Variants in SYN3 observed in about 807,000 individuals in gnomAD.
SYN3 encodes synapsin-3.
A neutral mutation model predicts 65.8 loss-of-function variants in SYN3; 35 were observed. The ratio of observed to expected loss-of-function variants is 0.53; its 90% CI spans 0.41 to 0.70. SYN3 has a LOEUF of 0.70. Among genes scored for constraint, SYN3 ranks in the 30% least tolerant of loss-of-function variants. The probability of loss-of-function intolerance (pLI) is 0.00; values close to 1 mark genes in which losing one functional copy is unlikely to be tolerated. For missense variants in SYN3, 680 were observed against 749.0 expected (o/e 0.91, Z 1.08); for synonymous variants, 270 against 292.9 (o/e 0.92, Z 0.80).
chr22:32,829,461 C>G (rs2047511137), intron 6 of SYN3, among the ~76,000 whole-genome samples: 1 of 152,234 alleles, frequency 6.6e-6, no homozygotes, highest in Non-Finnish European at 1.5e-5. Context: ...CATTTGCACC[C>G]ACATGTAGGC....
At chr22:32,698,135 T>C (rs1020472549) in intron 6 of SYN3, among the ~76,000 whole-genome samples, 1 of 152,186 alleles carries the variant, frequency 6.6e-6, no homozygotes, top group African/African-American at 2.4e-5. Context: ...ACTATTATTG[T>C]GGCAATAGAT....
At chr22:32,638,891 G>C (rs985110259) in intron 6 of SYN3, among the ~76,000 whole-genome samples, 4 of 152,108 alleles carry the variant, frequency 2.6e-5, no homozygotes, top group African/African-American at 9.7e-5. Context: ...TCTTTCCCAA[G>C]GCCTGTGTTT....
At chr22:32,710,659 A>AAAG (rs2060950945) in intron 6 of SYN3, among the ~76,000 whole-genome samples, 4 of 150,702 alleles carry the variant, frequency 2.7e-5, no homozygotes, top group African/African-American at 7.3e-5. Flanking sequence ...GAAAGAAAGA[A>AAAG]AAAGAAAGAA....
At chr22:32,655,387 AG>A (rs2060128604) in intron 6 of SYN3, among the ~76,000 whole-genome samples, 1 of 152,210 alleles carries the variant, frequency 6.6e-6, no homozygotes, top group Non-Finnish European at 1.5e-5. Context: ...GGACTAAGAC[AG>A]GGGTCTCCAA....
At chr22:32,944,503 C>T (rs2051042208) in intron 3 of SYN3, among the ~76,000 whole-genome samples, 1 of 152,240 alleles carries the variant, frequency 6.6e-6, no homozygotes, top group African/African-American at 2.4e-5. Flanking sequence ...GCCCTTCATG[C>T]TAAAAACTCT....
Position 32,541,551 on chromosome 22 carries a change from C to T in SYN3, c.917+20G>A. 6.2e-7 allele frequency: 1 copy of T among 1,613,784 alleles called. No homozygotes were observed. The highest frequency in any genetic ancestry group is 1.7e-4 in the Middle Eastern group (1 of 6,040). On this transcript the variant is annotated intron_variant, in intron 8 of 13. Coordinates refer to ENST00000358763, the MANE Select transcript of SYN3 (RefSeq NM_003490.4). ...CTGCCTTCCTCCCACACTCCCCCAG[C>T]CCCTGCCCCAGAGACTCACATGTAA...
intron 1 of SYN3, among the ~76,000 whole-genome samples, chr22:33,012,488 G>T (rs1411476720): frequency 6.6e-6 from 1 of 152,234 alleles, no homozygotes; most frequent in African/African-American, 2.4e-5. Context: ...GTTGCTGGGT[G>T]TAATGCTCTA....
At chr22:32,561,944 A>G (rs1264118395) in intron 7 of SYN3, among the ~76,000 whole-genome samples, 1 of 152,216 alleles carries the variant, frequency 6.6e-6, no homozygotes, top group Non-Finnish European at 1.5e-5. Flanking sequence ...ACTAGGTGAT[A>G]TATTTGATTT....
intron 6 of SYN3, chr22:32,861,513 T>G (rs1215172410): frequency 6.6e-6 from 1 of 152,312 alleles, no homozygotes; most frequent in African/African-American, 2.4e-5. Flanking sequence ...CCTACACAAG[T>G]TCCCTCCCAC....
At chr22:32,755,409 C>T (rs772061388) in intron 6 of SYN3, among the ~76,000 whole-genome samples, 16 of 152,166 alleles carry the variant, frequency 1.1e-4, no homozygotes, top group East Asian at 1.9e-4. Context: ...AGCATTCAAA[C>T]GTTACATGGC....
At chr22:32,695,340 C>T (rs1164050981) in intron 6 of SYN3, among the ~76,000 whole-genome samples, 1 of 152,130 alleles carries the variant, frequency 6.6e-6, no homozygotes, top group African/African-American at 2.4e-5. Flanking sequence ...CTTTCATTAT[C>T]ATTTTCATTT....
intron 2 of SYN3, among the ~76,000 whole-genome samples, chr22:33,000,783 G>A (rs962170968): frequency 3.3e-5 from 5 of 152,178 alleles, no homozygotes; most frequent in Non-Finnish European, 7.4e-5. Flanking sequence ...TCCCCTGGGA[G>A]ACAGCTCACA....
intron 7 of SYN3, among the ~76,000 whole-genome samples, chr22:32,554,341 C>T (rs554186310): frequency 9.2e-5 from 14 of 152,138 alleles, no homozygotes; most frequent in Non-Finnish European, 1.8e-4. Flanking sequence ...CCTCCCTGTC[C>T]GCTCTGGGAA....
chr22:32,736,678 T>C (rs917973283), intron 6 of SYN3, among the ~76,000 whole-genome samples: 3 of 152,122 alleles, frequency 2.0e-5, no homozygotes, highest in Non-Finnish European at 2.9e-5. Context: ...GAGTCCAGAA[T>C]CTATGCCCTT....
chr22:32,950,415 C>T (rs1383612772), intron 3 of SYN3, among the ~76,000 whole-genome samples: 3 of 152,128 alleles, frequency 2.0e-5, no homozygotes, highest in East Asian at 1.9e-4. Context: ...TCTGTAGCTA[C>T]GTGTCTGTTG....
Position 32,801,903 on chromosome 22 carries a change from G to C in SYN3, c.711+63012C>G. On this transcript the variant is annotated intron_variant, in intron 6 of 13. Coordinates refer to ENST00000358763, the MANE Select transcript of SYN3 (RefSeq NM_003490.4). The surrounding 1 kb of genome is among the most constrained non-coding windows in gnomAD (Gnocchi z 4.7). ...GGCCAAGGTTGCCCCGCACGGCCCG[G>C]CGGGCGAGCGAGCTCGGGCTGCAGC... 1 of 1,391,676 alleles carries C rather than the reference G, an allele frequency of 7.2e-7. No individual in the cohort carries two copies. The highest frequency in any genetic ancestry group is 9.3e-7 in the Non-Finnish European group (1 of 1,079,458). 86.2% of individuals were successfully genotyped at this position (1,391,676 alleles called of 1,614,324 possible).
chr22:32,884,663 G>A (rs1307172662), intron 4 of SYN3, among the ~76,000 whole-genome samples: 3 of 152,128 alleles, frequency 2.0e-5, no homozygotes, highest in Admixed American at 6.5e-5. Context: ...GGCGGATCAC[G>A]AGGTCAGGAG....
Position 32,837,157 on chromosome 22 carries a change from C to T in SYN3, c.711+27758G>A, listed in dbSNP as rs988156627. Among the ~76,000 whole-genome samples the T allele has an allele frequency of 3.3e-5, 5 of 152,176 alleles. No individual in the cohort carries two copies. Among genetic ancestry groups the T allele is most frequent in the Admixed American group, 1.3e-4 (2 of 15,276 alleles). On this transcript the variant is annotated intron_variant, in intron 6 of 13. Coordinates refer to ENST00000358763, the MANE Select transcript of SYN3 (RefSeq NM_003490.4). The surrounding 1 kb of genome is among the most constrained non-coding windows in gnomAD (Gnocchi z 4.1). ...TGTTTGGGCTTCAAAAATGCCCCGACCTGAAAGCTGGAAGTTCTGAGAACC... is the reference window on the plus strand; with the variant it reads ...TGTTTGGGCTTCAAAAATGCCCCGATCTGAAAGCTGGAAGTTCTGAGAACC...
At chr22:32,528,243 A>G (rs1401461814) in intron 11 of SYN3, among the ~76,000 whole-genome samples, 1 of 152,152 alleles carries the variant, frequency 6.6e-6, no homozygotes, top group African/African-American at 2.4e-5. Flanking sequence ...GCCCCTTCCC[A>G]GCCAGCAGCC....
Sources: allele counts gnomAD v4.1 joint callset (sites outside exome capture counted in the v4.1 genomes callset), GRCh38; gene constraint gnomAD v4.1.1; non-coding constraint Gnocchi (gnomAD v3.1); transcripts MANE v1.5; gene names NCBI Gene and HGNC (gene_info 2026-07-23, HGNC 2026-07-21).